DHRS7B: variants seen among roughly 807,000 people sequenced by gnomAD.
DHRS7B encodes the protein dehydrogenase/reductase 7B.
Under a neutral mutation model 26.4 loss-of-function variants are expected in DHRS7B, and 24 were observed. The ratio of observed to expected loss-of-function variants is 0.91; its 90% CI spans 0.66 to 1.28. DHRS7B has a LOEUF of 1.28. Ranked by LOEUF, DHRS7B falls within the 50% of genes most tolerant of loss-of-function variation. The probability of loss-of-function intolerance (pLI) is 0.00; values close to 1 mark genes in which losing one functional copy is unlikely to be tolerated. For missense variants in DHRS7B, 368 were observed against 419.4 expected, an observed-to-expected ratio of 0.88 and a Z score of 1.07; for synonymous variants, 142 against 166.4, an observed-to-expected ratio of 0.85 and a Z score of 1.13.
At chr17:21,181,532 G>A (rs1167636243) in intron 3 of DHRS7B, among the ~76,000 whole-genome samples, 1 of 152,206 alleles carries the variant, frequency 6.6e-6, no homozygotes, top group Non-Finnish European at 1.5e-5. Flanking sequence ...TCACATGGGC[G>A]AGAGAGAGGG....
chr17:21,162,784 C>T (rs926433357), intron 1 of DHRS7B, among the ~76,000 whole-genome samples: 2 of 152,090 alleles, frequency 1.3e-5, no homozygotes, highest in Non-Finnish European at 1.5e-5. Flanking sequence ...TTCTAGAGAC[C>T]CAATTTTTCT....
chr17:21,149,573 ATATAAAAT>A (rs1243573988), intron 1 of DHRS7B, among the ~76,000 whole-genome samples: 3 of 152,244 alleles, frequency 2.0e-5, no homozygotes, highest in Non-Finnish European at 4.4e-5. Context: ...GAGGTAGATA[ATATAAAAT>A]TATGTAAATT....
chr17:21,189,666 G>T (rs764748759), intron 6 of DHRS7B, among the ~76,000 whole-genome samples: 4 of 152,232 alleles, frequency 2.6e-5, no homozygotes, highest in Admixed American at 6.5e-5. Flanking sequence ...CACACAGCAA[G>T]TCTTGTTTTC....
intron 1 of DHRS7B, chr17:21,168,757 G>A (rs978951455): frequency 1.6e-5 from 16 of 985,308 alleles, no homozygotes; most frequent in South Asian, 9.4e-5. Context: ...CACAGACAGC[G>A]GCCCGGGCCA....
intron 1 of DHRS7B, among the ~76,000 whole-genome samples, chr17:21,131,706 A>C (rs1973234051): frequency 1.3e-5 from 2 of 152,326 alleles, no homozygotes; most frequent in Middle Eastern, 3.4e-3. Context: ...ATGACTGATA[A>C]ATTGATTGAA....
intron 1 of DHRS7B, among the ~76,000 whole-genome samples, chr17:21,141,489 C>T (rs774243863): frequency 5.9e-5 from 9 of 151,932 alleles, no homozygotes; most frequent in East Asian, 1.9e-4. Context: ...GATCACTGAG[C>T]GCTCCAATGG....
chr17:21,161,990 A>C (rs975864917), intron 1 of DHRS7B, among the ~76,000 whole-genome samples: 1 of 151,874 alleles, frequency 6.6e-6, no homozygotes, highest in African/African-American at 2.4e-5. Context: ...TTTCTAGTTA[A>C]ATTTCACAAA....
intron 1 of DHRS7B, among the ~76,000 whole-genome samples, chr17:21,139,856 CTGATT>C (rs888369495): frequency 2.6e-5 from 4 of 151,328 alleles, no homozygotes; most frequent in Non-Finnish European, 5.9e-5. Context: ...TTTTTAGTAT[CTGATT>C]TAAGTGCTTT....
At chr17:21,165,438 A>G (rs1974090587) in intron 1 of DHRS7B, among the ~76,000 whole-genome samples, 1 of 151,464 alleles carries the variant, frequency 6.6e-6, no homozygotes, top group Non-Finnish European at 1.5e-5. Context: ...CTGTCCTCCC[A>G]CTTCAGCCTC....
At chr17:21,136,251 G>A (rs956870330) in intron 1 of DHRS7B, among the ~76,000 whole-genome samples, 12 of 149,778 alleles carry the variant, frequency 8.0e-5, no homozygotes, top group African/African-American at 2.7e-4. Flanking sequence ...GCAGTGAGCC[G>A]AGATCACACC....
rs901329961 is a variant in DHRS7B at position 21,138,211 on chromosome 17, C to CTTTTTT, written c.20+11238_20+11243dup. Among the ~76,000 whole-genome samples, 12 of 78,240 alleles carry CTTTTTT rather than the reference C, an allele frequency of 1.5e-4. 1 individual carries two copies. Among genetic ancestry groups the CTTTTTT allele is most frequent in the African/African-American group, 2.3e-4 (4 of 17,046 alleles). 51.3% of individuals were successfully genotyped at this position (78,240 alleles called of 152,430 possible). A position where few individuals can be genotyped will look rare whatever the true frequency, so the allele number is the denominator to read the frequency against. On this transcript the variant is annotated intron_variant, in intron 1 of 6. Transcript: ENST00000395511. The stretch of plus-strand genomic sequence containing the variant: ...TTGTCTTGAACATCCATCCCTCCTT[C>CTTTTTT]TTTTTTTTTTTTTTTTTTTTTTTGA...
intron 1 of DHRS7B, among the ~76,000 whole-genome samples, chr17:21,150,826 T>C (rs1973753538): frequency 6.6e-6 from 1 of 152,164 alleles, no homozygotes; most frequent in Non-Finnish European, 1.5e-5. Context: ...CTAGGATAAC[T>C]CCCCTATCTC....
At chr17:21,179,718 T>C (rs1974470216) in intron 3 of DHRS7B, among the ~76,000 whole-genome samples, 1 of 152,162 alleles carries the variant, frequency 6.6e-6, no homozygotes, top group Non-Finnish European at 1.5e-5. Context: ...TTATAAGATA[T>C]GTGATTTGCA....
At chr17:21,138,089 T>TACACACACAC (rs1567616081) in intron 1 of DHRS7B, among the ~76,000 whole-genome samples, 13 of 57,536 alleles carry the variant, frequency 2.3e-4, no homozygotes, top group African/African-American at 9.1e-4. Context: ...TATATATATA[T>TACACACACAC]ATATATATAT....
intron 1 of DHRS7B, among the ~76,000 whole-genome samples, chr17:21,147,980 C>G (rs1973678522): frequency 6.6e-6 from 1 of 152,138 alleles, no homozygotes; most frequent in Non-Finnish European, 1.5e-5. Context: ...CTCAGGGAGG[C>G]TAAGACAGGA....
At chr17:21,132,741 T>C (rs1156461616) in intron 1 of DHRS7B, among the ~76,000 whole-genome samples, 5 of 152,210 alleles carry the variant, frequency 3.3e-5, no homozygotes, top group East Asian at 3.9e-4. Context: ...GGTCACTAGC[T>C]ATGGAGGAAC....
intron 4 of DHRS7B, 122 bp from the exon 5 acceptor site, chr17:21,184,249 A>G: frequency 1.2e-6 from 1 of 826,644 alleles, no homozygotes; most frequent in Non-Finnish European, 1.9e-6. Context: ...CCTCTACCCT[A>G]AGGGGTTTTC....
intron 6 of DHRS7B, among the ~76,000 whole-genome samples, chr17:21,189,138 C>G (rs1278620733): frequency 6.6e-6 from 1 of 152,196 alleles, no homozygotes; most frequent in Non-Finnish European, 1.5e-5. Flanking sequence ...AGTTGCCAAG[C>G]TGAAATGCCA....
At chr17:21,175,570 A>G (rs141409568) in intron 2 of DHRS7B, among the ~76,000 whole-genome samples, 4 of 152,362 alleles carry the variant, frequency 2.6e-5, no homozygotes, top group Non-Finnish European at 5.9e-5. Flanking sequence ...CCAGGGGCCA[A>G]GGTATCCTGT....
Sources: allele counts gnomAD v4.1 joint callset (sites outside exome capture counted in the v4.1 genomes callset), GRCh38; gene constraint gnomAD v4.1.1; transcripts MANE v1.5; gene names NCBI Gene and HGNC (gene_info 2026-07-23, HGNC 2026-07-21).